NXPH1: variants seen among roughly 807,000 people sequenced by gnomAD.
NXPH1 encodes the protein neurexophilin-1.
In NXPH1, 5 loss-of-function variants were observed where a neutral mutation model predicts 23.7. The observed-to-expected ratio is 0.21, with a 90% confidence interval of 0.11 to 0.44. NXPH1 has a LOEUF of 0.44. Among genes scored for constraint, NXPH1 ranks in the 20% least tolerant of loss-of-function variants. The probability of loss-of-function intolerance (pLI) is 0.99; values close to 1 mark genes in which losing one functional copy is unlikely to be tolerated. For synonymous variants in NXPH1, 144 were observed against 122.2 expected, an observed-to-expected ratio of 1.18 and a Z score of -1.18; for missense variants, 324 against 321.6, an observed-to-expected ratio of 1.01 and a Z score of -0.06.
At chr7:8,732,708 T>A (rs543798315) in intron 2 of NXPH1, among the ~76,000 whole-genome samples, 16 of 152,180 alleles carry the variant, frequency 1.1e-4, no homozygotes, top group South Asian at 4.1e-4. Context: ...TTATAACTTT[T>A]AAAAAAATGT....
At chr7:8,680,912 C>G (rs1821040027) in intron 2 of NXPH1, among the ~76,000 whole-genome samples, 1 of 152,218 alleles carries the variant, frequency 6.6e-6, no homozygotes, top group South Asian at 2.1e-4. Flanking sequence ...ATCACATGAC[C>G]TAAAGGTATC....
At chr7:8,613,710 G>T (rs1819669088) in intron 2 of NXPH1, among the ~76,000 whole-genome samples, 2 of 151,910 alleles carry the variant, frequency 1.3e-5, no homozygotes, top group African/African-American at 4.8e-5. Flanking sequence ...TTAAGCCTTT[G>T]ACTTTGATTA....
Position 8,435,550 on chromosome 7 carries a change from C to T in NXPH1, c.-110-54C>T. On this transcript the variant is annotated intron_variant, in intron 1 of 2. Transcript: ENST00000405863. The surrounding 1 kb of genome is among the most constrained non-coding windows in gnomAD (Gnocchi z 5.9). Reference sequence around the variant, plus strand: ...CGACCCCCTTTCCCCGCTTGATTGTCAAGCCTAACCTTGCCCGCGTAGTCA... The same window carrying T: ...CGACCCCCTTTCCCCGCTTGATTGTTAAGCCTAACCTTGCCCGCGTAGTCA... The T allele has an allele frequency of 1.7e-6, 1 of 603,444 alleles. No individual in the cohort carries two copies. Among genetic ancestry groups the T allele is most frequent in the Non-Finnish European group, 3.0e-6 (1 of 332,670 alleles). The allele number at this position is 603,444 out of a possible 1,614,324, so 37.4% of individuals were successfully genotyped here.
intron 2 of NXPH1, among the ~76,000 whole-genome samples, chr7:8,511,326 G>T (rs2349485): frequency 0.65 from 98,960 of 151,896 alleles, 32,345 homozygotes; most frequent in Middle Eastern, 0.69. Flanking sequence ...ACAACTCTTG[G>T]GACAGAGGCT....
rs115358671 is a variant in NXPH1 at position 8,628,540 on chromosome 7, C to A, written c.55-122468C>A. On this transcript the variant is annotated intron_variant, in intron 2 of 2. Transcript: ENST00000405863. ...AGGATAAGAAAAATTACAAGTTAAA[C>A]TAGAACTCTCATTTTCTCTAAATTA... is the stretch of plus-strand genomic sequence containing the variant. Among the ~76,000 whole-genome samples the A allele has an allele frequency of 2.0e-3, 296 of 151,564 alleles. 2 individuals are homozygous for A. Among genetic ancestry groups the A allele is most frequent in the African/African-American group, 6.6e-3 (274 of 41,378 alleles).
At chr7:8,588,761 C>T (rs1819031127) in intron 2 of NXPH1, among the ~76,000 whole-genome samples, 1 of 152,168 alleles carries the variant, frequency 6.6e-6, no homozygotes, top group South Asian at 2.1e-4. Flanking sequence ...TGAGCAGCCA[C>T]CCTCCTCTAA....
chr7:8,618,590 C>T (rs1819796315), intron 2 of NXPH1, among the ~76,000 whole-genome samples: 1 of 152,136 alleles, frequency 6.6e-6, no homozygotes, highest in African/African-American at 2.4e-5. Context: ...AACTTTCAGG[C>T]AATGAGACAT....
intron 2 of NXPH1, among the ~76,000 whole-genome samples, chr7:8,517,214 G>A (rs1817699659): frequency 6.6e-6 from 1 of 152,098 alleles, no homozygotes; most frequent in South Asian, 2.1e-4. Context: ...CTGTTACAGG[G>A]GAAGGACAGG....
chr7:8,523,998 A>G (rs1357292920), intron 2 of NXPH1, among the ~76,000 whole-genome samples: 1 of 152,120 alleles, frequency 6.6e-6, no homozygotes, highest in Non-Finnish European at 1.5e-5. Flanking sequence ...TAATCCCAGC[A>G]CTTTGGGAGG....
intron 2 of NXPH1, among the ~76,000 whole-genome samples, chr7:8,607,919 A>G (rs529643192): frequency 1.3e-5 from 2 of 152,380 alleles, no homozygotes; most frequent in South Asian, 4.1e-4. Flanking sequence ...GAAGAGACAC[A>G]CACATACCTA....
chr7:8,598,612 A>G (rs772608946), intron 2 of NXPH1, among the ~76,000 whole-genome samples: 1 of 152,152 alleles, frequency 6.6e-6, no homozygotes, highest in Non-Finnish European at 1.5e-5. Context: ...GGGTAGGGGA[A>G]AAGAAACCTT....
At chr7:8,679,997 G>A (rs1214380171) in intron 2 of NXPH1, among the ~76,000 whole-genome samples, 10 of 152,222 alleles carry the variant, frequency 6.6e-5, no homozygotes, top group Admixed American at 3.3e-4. Context: ...CTCCAGACTG[G>A]GCAACAGAGC....
At chr7:8,487,479 C>T (rs1817177741) in intron 2 of NXPH1, among the ~76,000 whole-genome samples, 1 of 152,054 alleles carries the variant, frequency 6.6e-6, no homozygotes. Context: ...TCAATTAAAC[C>T]CCTTTCCTTT....
chr7:8,641,757 G>A (rs1252426522), intron 2 of NXPH1, among the ~76,000 whole-genome samples: 1 of 151,954 alleles, frequency 6.6e-6, no homozygotes, highest in African/African-American at 2.4e-5. Context: ...TTTTGATTAT[G>A]TCCATATTTT....
At chr7:8,649,889 A>G (rs1034877831) in intron 2 of NXPH1, among the ~76,000 whole-genome samples, 1 of 152,154 alleles carries the variant, frequency 6.6e-6, no homozygotes, top group Non-Finnish European at 1.5e-5. Flanking sequence ...CCCCAATGCT[A>G]TTTTACTCTT....
At chr7:8,695,275 T>C (rs1469422701) in intron 2 of NXPH1, among the ~76,000 whole-genome samples, 2 of 152,200 alleles carry the variant, frequency 1.3e-5, no homozygotes, top group East Asian at 3.9e-4. Context: ...TTCTTAAGAG[T>C]TAGGGTTATC....
intron 2 of NXPH1, among the ~76,000 whole-genome samples, chr7:8,589,729 A>C (rs1819052693): frequency 6.6e-6 from 1 of 152,034 alleles, no homozygotes; most frequent in Non-Finnish European, 1.5e-5. Context: ...GAAGCTATTA[A>C]AGACTATGCT....
intron 2 of NXPH1, among the ~76,000 whole-genome samples, chr7:8,566,704 G>A (rs1266320792): frequency 1.3e-5 from 2 of 151,728 alleles, no homozygotes; most frequent in Non-Finnish European, 2.9e-5. Context: ...TTATACTATT[G>A]GCTCCTCTGA....
intron 2 of NXPH1, among the ~76,000 whole-genome samples, chr7:8,659,306 T>G (rs572004319): frequency 2.6e-5 from 4 of 152,322 alleles, no homozygotes; most frequent in Admixed American, 2.6e-4. Flanking sequence ...TATTTAGGGA[T>G]ATTGTTTCTC....
Sources: allele counts gnomAD v4.1 joint callset (sites outside exome capture counted in the v4.1 genomes callset), GRCh38; gene constraint gnomAD v4.1.1; non-coding constraint Gnocchi (gnomAD v3.1); transcripts MANE v1.5; gene names NCBI Gene and HGNC (gene_info 2026-07-23, HGNC 2026-07-21).